Variants in INSR observed in about 807,000 individuals in gnomAD.
INSR encodes insulin receptor, also known as IR.
Under a neutral mutation model 142.6 loss-of-function variants are expected in INSR, and 67 were observed. The observed-to-expected ratio is 0.47, with a 90% CI of 0.39 to 0.58. INSR has a LOEUF of 0.58. INSR is among the 20% of genes least tolerant of loss of function. The pLI is 0.00. For synonymous variants in INSR, 756 were observed against 743.1 expected, an observed-to-expected ratio of 1.02 and a Z score of -0.28; for missense variants, 1,248 against 1,833.2, an observed-to-expected ratio of 0.68 and a Z score of 5.83.
intron 2 of INSR, among the ~76,000 whole-genome samples, chr19:7,211,320 G>A (rs899191196): frequency 2.0e-5 from 3 of 152,114 alleles, no homozygotes; most frequent in African/African-American, 7.2e-5. Flanking sequence ...TCCCACCTTG[G>A]CCTCTCTAAG....
chr19:7,202,935 G>A (rs1975003458), intron 2 of INSR, among the ~76,000 whole-genome samples: 1 of 151,512 alleles, frequency 6.6e-6, no homozygotes, highest in South Asian at 2.1e-4. Flanking sequence ...TGCAGCCAGA[G>A]ATTAGAACCC....
intron 1 of INSR, among the ~76,000 whole-genome samples, chr19:7,287,400 A>T (rs1968373179): frequency 1.3e-5 from 2 of 151,794 alleles, no homozygotes; most frequent in South Asian, 4.1e-4. Flanking sequence ...ACCTCAAGTG[A>T]TCCACCCACC....
Position 7,166,531 on chromosome 19 carries a change from C to A in INSR, c.1611-127G>T. 1 of 1,004,546 alleles carries A rather than the reference C, an allele frequency of 1.0e-6. No homozygotes were observed. The highest frequency in any genetic ancestry group is 2.6e-5 in the East Asian group (1 of 38,384). The allele number at this position is 1,004,546 out of a possible 1,614,324, so 62.2% of individuals were successfully genotyped here. ...TTACTCACCCAACAATCTAATGCCACAAGAAAAAATAACTCGGGAACAGCC... is the reference window on the plus strand; with the variant it reads ...TTACTCACCCAACAATCTAATGCCAAAAGAAAAAATAACTCGGGAACAGCC... On this transcript the variant is annotated intron_variant, in intron 7 of 21. Transcript: ENST00000302850. This position sits in a 1 kb window ranked among gnomAD's most constrained non-coding sequence, Gnocchi z 4.1.
At chr19:7,272,556 T>C (rs184025224) in intron 1 of INSR, among the ~76,000 whole-genome samples, 234 of 152,176 alleles carry the variant, frequency 1.5e-3, no homozygotes, top group Non-Finnish European at 2.8e-3. Context: ...AGGCGGACGT[T>C]GCAGTGAGCT....
chr19:7,291,357 G>C lies in INSR; in HGVS notation c.100+2435C>G, dbSNP rs932095795. On this transcript the variant is annotated intron_variant, in intron 1 of 21. Coordinates refer to ENST00000302850, the MANE Select transcript of INSR (RefSeq NM_000208.4). ...AAAAGGGAAGATTAAACCGCACCTCGTGGGGTTTTGCCGTGAGGATTAACT... is the reference window on the plus strand; with the variant it reads ...AAAAGGGAAGATTAAACCGCACCTCCTGGGGTTTTGCCGTGAGGATTAACT... Among the ~76,000 whole-genome samples the C allele has an allele frequency of 2.0e-5, 3 of 152,286 alleles. No homozygotes were observed. The South Asian group carries it at 6.2e-4, about 32-fold the overall frequency.
intron 2 of INSR, among the ~76,000 whole-genome samples, chr19:7,218,589 G>T (rs1195733614): frequency 6.6e-6 from 1 of 152,108 alleles, no homozygotes; most frequent in Admixed American, 6.6e-5. Flanking sequence ...TGCCCAGGCT[G>T]GAGTGCAGTG....
chr19:7,133,588 G>A (rs762364975), intron 13 of INSR, among the ~76,000 whole-genome samples: 29 of 152,114 alleles, frequency 1.9e-4, no homozygotes, highest in Non-Finnish European at 2.9e-4. Context: ...TGGGCAGGGC[G>A]TGGTGGCTCA....
chr19:7,162,774 C>T (rs1010645666), intron 9 of INSR, among the ~76,000 whole-genome samples: 2 of 151,722 alleles, frequency 1.3e-5, no homozygotes, highest in African/African-American at 4.8e-5. Context: ...GAGCCAAGGT[C>T]GCGTCATTGC....
chr19:7,176,153 A>T (rs934082619), intron 3 of INSR, among the ~76,000 whole-genome samples: 14 of 152,172 alleles, frequency 9.2e-5, no homozygotes, highest in African/African-American at 3.1e-4. Flanking sequence ...GTCCCCACCC[A>T]AATCTCATGT....
chr19:7,120,559 G>A, intron 20 of INSR, 61 bp downstream of exon 20: 5 of 1,604,812 alleles, frequency 3.1e-6, no homozygotes, highest in Non-Finnish European at 4.3e-6. Flanking sequence ...CCCGCTCTTG[G>A]CTCTCACTAG....
chr19:7,117,264 C>A lies in INSR; in HGVS notation c.3941G>T (p.Ser1314Ile). 1.2e-6 allele frequency: 2 copies of A among 1,614,222 alleles called. No homozygotes were observed. Among genetic ancestry groups the A allele is most frequent in the Non-Finnish European group, 1.7e-6 (2 of 1,180,040 alleles). Residue 1314 changes from serine (S) to isoleucine (I), a missense_variant, in exon 22 of 22, where the codon AGT becomes ATT. This residue lies in a region of INSR where 122 missense variants were observed against 129.8 expected (regional missense o/e 0.94). Coordinates refer to ENST00000302850, the MANE Select transcript of INSR (RefSeq NM_000208.4). ...FHSEENKAPESEELEMEFEDM... is the reference protein window; with the variant it reads ...FHSEENKAPEIEELEMEFEDM... Reference sequence around the variant, plus strand: ...CTCAAACTCCATCTCCAGCTCCTCACTCTCGGGAGCCTTGTTCTCCTCGCT... The same window carrying A: ...CTCAAACTCCATCTCCAGCTCCTCAATCTCGGGAGCCTTGTTCTCCTCGCT...
At chr19:7,229,252 T>G (rs1975884942) in intron 2 of INSR, among the ~76,000 whole-genome samples, 1 of 140,550 alleles carries the variant, frequency 7.1e-6, no homozygotes, top group Non-Finnish European at 1.6e-5. Context: ...ACTGGATGAA[T>G]GGATAGATGG....
At chr19:7,155,189 C>T (rs912518400) in intron 9 of INSR, among the ~76,000 whole-genome samples, 1 of 151,936 alleles carries the variant, frequency 6.6e-6, no homozygotes, top group Non-Finnish European at 1.5e-5. Context: ...GCAATTCAGA[C>T]ATAGCAGAAA....
chr19:7,156,997 T>TG (rs57742939), intron 9 of INSR, among the ~76,000 whole-genome samples: 6,583 of 151,552 alleles, frequency 0.043, 507 homozygotes, highest in African/African-American at 0.15. Context: ...TTTGTTTTTT[T>TG]GGGATGGAGT....
intron 1 of INSR, among the ~76,000 whole-genome samples, chr19:7,280,141 G>A (rs141516621): frequency 0.096 from 14,625 of 152,080 alleles, 983 homozygotes; most frequent in Non-Finnish European, 0.15. Flanking sequence ...GCAGGCGCCT[G>A]TAGTCCCAGC....
chr19:7,135,537 C>T (rs1972900601), intron 13 of INSR, among the ~76,000 whole-genome samples: 1 of 150,246 alleles, frequency 6.7e-6, no homozygotes, highest in Admixed American at 6.6e-5. Context: ...ATTATCTGGG[C>T]ATGGTGGCGG....
chr19:7,166,193 C>T lies in INSR; in HGVS notation c.1822G>A (p.Ala608Thr), dbSNP rs752497783. 6.2e-7 allele frequency: 1 copy of T among 1,614,106 alleles called. No individual in the cohort carries two copies. The highest frequency in any genetic ancestry group is 1.1e-5 in the South Asian group (1 of 91,080). The change falls in exon 8 of 22, where the codon GCC becomes ACC. Residue 608 changes from alanine (A) to threonine (T), a missense_variant. Around this residue, in one of 3 missense-constraint regions of INSR, gnomAD observed 1,069 missense variants for 1,654.0 expected, o/e 0.65. Transcript: ENST00000302850. The surrounding 1 kb of genome is among the most constrained non-coding windows in gnomAD (Gnocchi z 4.1). Reference sequence around the variant, plus strand: ...TGGACATAAATGATGTCACTCTTGGCCCCATAGGTCCGGCGTTCATCCGAA... The same window carrying T: ...TGGACATAAATGATGTCACTCTTGGTCCCATAGGTCCGGCGTTCATCCGAA... ...TFSDERRTYGAKSDIIYVQTD... is the reference protein window; with the variant it reads ...TFSDERRTYGTKSDIIYVQTD...
At chr19:7,158,071 A>G (rs556603182) in intron 9 of INSR, among the ~76,000 whole-genome samples, 1,906 of 148,320 alleles carry the variant, frequency 0.013, 55 homozygotes, top group African/African-American at 0.045. Context: ...TATTATTATT[A>G]TTATTATTAT....
At chr19:7,158,092 T>A (rs535817399) in intron 9 of INSR, among the ~76,000 whole-genome samples, 9 of 132,744 alleles carry the variant, frequency 6.8e-5, no homozygotes, top group African/African-American at 2.6e-4. Context: ...TATTATTATT[T>A]GGAGAGGAAG....
Sources: gnomAD v4.1 joint callset for allele counts (sites outside exome capture counted in the v4.1 genomes callset) on GRCh38, gnomAD v4.1.1 for gene constraint, gnomAD v4.1.1 regional missense constraint, Gnocchi (gnomAD v3.1) non-coding constraint, MANE v1.5 for transcripts, NCBI Gene and HGNC (gene_info 2026-07-23, HGNC 2026-07-21) for gene names.